GAK: variants seen among roughly 807,000 people sequenced by gnomAD.
The protein encoded by GAK is cyclin-G-associated kinase.
GAK carries 79 observed loss-of-function variants against 143.9 expected under a neutral mutation model. The observed-to-expected ratio is 0.55, with a 90% CI of 0.46 to 0.66. GAK has a LOEUF of 0.66. Among genes scored for constraint, GAK ranks in the 30% least tolerant of loss-of-function variants. The pLI, the probability that GAK is intolerant of heterozygous loss-of-function variation, is 0.00. For missense variants in GAK, 1,693 were observed against 1,779.7 expected, an observed-to-expected ratio of 0.95 and a Z score of 0.88; for synonymous variants, 881 against 765.5, an observed-to-expected ratio of 1.15 and a Z score of -2.49.
intron 18 of GAK, 99 bp from the exon 19 acceptor site, chr4:871,003 T>C (rs1257934367): frequency 9.0e-7 from 1 of 1,111,516 alleles, no homozygotes; most frequent in Non-Finnish European, 1.3e-6. Context: ...AGGTGGCAGC[T>C]GCAGGCAGCG....
chr4:855,455 C>T (rs1188152919), intron 24 of GAK, among the ~76,000 whole-genome samples: 1 of 152,176 alleles, frequency 6.6e-6, no homozygotes, highest in Non-Finnish European at 1.5e-5. Flanking sequence ...TGCGACCTTA[C>T]TGAACTCATA....
intron 15 of GAK, 145 bp from the exon 16 acceptor site, chr4:877,954 A>G (rs1196489905): frequency 1.6e-6 from 1 of 625,482 alleles, no homozygotes; most frequent in African/African-American, 1.9e-5. Flanking sequence ...CTGATGTTAT[A>G]ATTTTCATTT....
At chr4:926,022 A>G (rs1004777598) in intron 1 of GAK, among the ~76,000 whole-genome samples, 8 of 149,882 alleles carry the variant, frequency 5.3e-5, no homozygotes, top group African/African-American at 1.7e-4. Context: ...GGTCGTCCCC[A>G]ACAGTGACCT....
chr4:913,233 C>T (rs1015963004), intron 2 of GAK, among the ~76,000 whole-genome samples: 1 of 152,258 alleles, frequency 6.6e-6, no homozygotes, highest in Non-Finnish European at 1.5e-5. Flanking sequence ...CAGACCCTCC[C>T]ACAGTGACCC....
intron 1 of GAK, among the ~76,000 whole-genome samples, chr4:931,402 A>G (rs900373968): frequency 6.6e-5 from 10 of 151,892 alleles, no homozygotes; most frequent in Admixed American, 5.9e-4. Context: ...GACACAGCCC[A>G]GTCTACCCTC....
chr4:859,396 G>A (rs954490036), intron 24 of GAK: 13 of 1,510,254 alleles, frequency 8.6e-6, no homozygotes, highest in Non-Finnish European at 1.1e-5. Flanking sequence ...CAGTGCCAGT[G>A]TCAGCAACTC....
chr4:919,471 G>C (rs151123698), intron 1 of GAK, among the ~76,000 whole-genome samples: 1 of 152,196 alleles, frequency 6.6e-6, no homozygotes, highest in Non-Finnish European at 1.5e-5. Flanking sequence ...CTCTCCAGCC[G>C]CACCCCGCAT....
chr4:866,593 C>G, intron 21 of GAK, 59 bp from the exon 22 acceptor site: 1 of 1,568,444 alleles, frequency 6.4e-7, no homozygotes, highest in Non-Finnish European at 8.7e-7. Context: ...ACAAAGGAGC[C>G]CAGCTCTGGA....
chr4:849,567 C>T lies in GAK; in HGVS notation c.*106G>A. ...GGTGACCCGGGGCTCGGAGCCCCACCCTGGCCACACCTGCTGTCGCCCACG... is the reference window on the plus strand; with the variant it reads ...GGTGACCCGGGGCTCGGAGCCCCACTCTGGCCACACCTGCTGTCGCCCACG... On this transcript the variant is annotated 3_prime_UTR_variant, in exon 28 of 28. Transcript: ENST00000314167. The T allele has an allele frequency of 8.4e-6, 7 of 833,884 alleles. No individual in the cohort carries two copies. In the South Asian group the frequency reaches 1.0e-4, roughly 12 times the overall value. The allele number at this position is 833,884 out of a possible 1,614,324, so 51.7% of individuals were successfully genotyped here.
In GAK at chr4:911,918, C is replaced by T. The variant is rs905941012; in HGVS notation, c.268-131G>A. The T allele has an allele frequency of 1.6e-5, 11 of 695,166 alleles. No homozygotes were observed. The African/African-American group carries it at 2.0e-4, about 12-fold the overall frequency. 43.1% of individuals were successfully genotyped at this position (695,166 alleles called of 1,614,324 possible). ...ATCGAACCCTTACAATTTTAGACGT[C>T]AGAGCGGAAGATGAGGGAGAGAGCA... On this transcript the variant is annotated intron_variant, in intron 3 of 27. Transcript: ENST00000314167.
Position 884,070 on chromosome 4 carries a change from G to A in GAK, c.1222C>T (p.Leu408=). 6.2e-7 allele frequency: 1 copy of A among 1,613,800 alleles called. No homozygotes were observed. Among genetic ancestry groups the A allele is most frequent in the Non-Finnish European group, 8.5e-7 (1 of 1,179,802 alleles). The change falls in exon 12 of 28, where the codon CTG becomes TTG. Residue 408 remains leucine, a synonymous_variant. Coordinates refer to ENST00000314167, the MANE Select transcript of GAK (RefSeq NM_005255.4). ...CTGGATGTGATGTAAGATATGTCCA[G>A]GTCACCCTTTGCATAACTGGAATTA... ...QSVANYAKGD[L]DISYITSRIA... is the part of the protein sequence containing the mutation.
chr4:917,702 T>C (rs1272841853), intron 1 of GAK, among the ~76,000 whole-genome samples: 2 of 152,262 alleles, frequency 1.3e-5, no homozygotes, highest in Admixed American at 1.3e-4. Context: ...TTTGCTGCCT[T>C]GATTAGCGTG....
At position 851,825 on chromosome 4, in the gene GAK, G is replaced by A. The variant is rs921212908; in HGVS notation, c.3433C>T (p.Pro1145Ser). 6.2e-7 allele frequency: 1 copy of A among 1,611,442 alleles called. No homozygotes were observed. The highest frequency in any genetic ancestry group is 2.2e-5 in the East Asian group (1 of 44,840). ...AKPPPKACTQ[P>S]RPNYASNFSV... The stretch of plus-strand genomic sequence containing the variant: ...AAGTTCGAGGCATAGTTAGGCCTTG[G>A]CTGTGTGCAGGCTTTGGGGGGCGGC... Residue 1145 changes from proline (P) to serine (S), a missense_variant, in exon 25 of 28, where the codon CCA becomes TCA. Physicochemically the swap from Pro to Ser is moderately conservative, Grantham distance 74 (BLOSUM62 -1). Around this residue, in one of 2 missense-constraint regions of GAK, gnomAD observed 822 missense variants for 788.7 expected, o/e 1.04. Coordinates refer to ENST00000314167, the MANE Select transcript of GAK (RefSeq NM_005255.4).
At chr4:900,276 G>C (rs192722717) in intron 5 of GAK, among the ~76,000 whole-genome samples, 17 of 152,334 alleles carry the variant, frequency 1.1e-4, no homozygotes, top group African/African-American at 9.6e-5. Flanking sequence ...CGACGCACGG[G>C]GCAGGCGAGT....
chr4:902,978 C>T (rs531750248), intron 5 of GAK, among the ~76,000 whole-genome samples: 3 of 152,384 alleles, frequency 2.0e-5, no homozygotes, highest in African/African-American at 4.8e-5. Context: ...TCAGACTATA[C>T]TCCCCACCAG....
intron 15 of GAK, among the ~76,000 whole-genome samples, chr4:880,205 C>T (rs1714811555): frequency 6.6e-6 from 1 of 150,874 alleles, no homozygotes; most frequent in African/African-American, 2.4e-5. Context: ...ACAGCTCTGA[C>T]GAACGCCCCA....
At chr4:854,724 C>G (rs1379848417) in intron 24 of GAK, among the ~76,000 whole-genome samples, 2 of 152,226 alleles carry the variant, frequency 1.3e-5, no homozygotes, top group Non-Finnish European at 2.9e-5. Flanking sequence ...ACAGTGACTT[C>G]TCCCATTTCA....
intron 23 of GAK, among the ~76,000 whole-genome samples, chr4:864,585 C>T (rs368338679): frequency 3.9e-5 from 6 of 152,176 alleles, no homozygotes; most frequent in East Asian, 1.9e-4. Flanking sequence ...GAAGGACAGA[C>T]GCTCACAGAC....
chr4:885,854 C>A (rs1303694698), intron 11 of GAK: 2 of 152,214 alleles, frequency 1.3e-5, no homozygotes, highest in Non-Finnish European at 2.9e-5. Context: ...GCAGCCTCAA[C>A]CTCCTGGGCT....
Sources: gnomAD v4.1 joint callset for allele counts (sites outside exome capture counted in the v4.1 genomes callset) on GRCh38, gnomAD v4.1.1 for gene constraint, gnomAD v4.1.1 regional missense constraint, MANE v1.5 for transcripts, NCBI Gene and HGNC (gene_info 2026-07-23, HGNC 2026-07-21) for gene names.